Variants in CASQ2 observed in about 807,000 individuals in gnomAD.
CASQ2 encodes the protein calsequestrin 2.
Under a neutral mutation model 46.5 loss-of-function variants are expected in CASQ2, and 49 were observed. That is an observed-to-expected ratio of 1.05 (90% CI 0.84 to 1.34). CASQ2 has a LOEUF of 1.34. CASQ2 is among the 40% of genes most tolerant of loss of function. The pLI is 0.00. For missense variants in CASQ2, 486 were observed against 481.3 expected, an observed-to-expected ratio of 1.01 and a Z score of -0.09; for synonymous variants, 174 against 168.5, an observed-to-expected ratio of 1.03 and a Z score of -0.25.
Position 115,715,301 on chromosome 1 carries a change from T to C in CASQ2, c.838+2539A>G, listed in dbSNP as rs548146970. Among the ~76,000 whole-genome samples the C allele has an allele frequency of 2.6e-5, 4 of 152,178 alleles. No homozygotes were observed. In the South Asian group the frequency reaches 6.2e-4, roughly 24 times the overall value. Reference sequence around the variant, plus strand: ...AGGTGGAGACAAGGGCTAGATCATGTTGAAAAGTGAAAAAGACAAGAGAGT... The same window carrying C: ...AGGTGGAGACAAGGGCTAGATCATGCTGAAAAGTGAAAAAGACAAGAGAGT... On this transcript the variant is annotated intron_variant, in intron 8 of 10. Transcript: ENST00000261448.
Position 115,701,332 on chromosome 1 carries a change from A to G in CASQ2, c.1109T>C (p.Ile370Thr). The G allele has an allele frequency of 6.2e-7, 1 of 1,611,902 alleles. No individual in the cohort carries two copies. Among genetic ancestry groups the G allele is most frequent in the Non-Finnish European group, 8.5e-7 (1 of 1,178,042 alleles). ...ATCTTCATCATCATCTTCAGTGTTT[A>G]TCTTTCCAGAAAGCACATCCTCAAT... ...DWIEDVLSGK[I>T]NTEDDDEDDD... The change falls in exon 11 of 11, where the codon ATA becomes ACA. Residue 370 changes from isoleucine (I) to threonine (T), a missense_variant. By Grantham distance (89) the Ile-to-Thr change is moderately conservative. Coordinates refer to ENST00000261448, the MANE Select transcript of CASQ2 (RefSeq NM_001232.4).
At chr1:115,720,433 C>T (rs1400976272) in intron 7 of CASQ2, among the ~76,000 whole-genome samples, 1 of 152,094 alleles carries the variant, frequency 6.6e-6, no homozygotes, top group Non-Finnish European at 1.5e-5. Flanking sequence ...ACACCATTAC[C>T]TTGGGGGCTA....
At chr1:115,763,373 G>A (rs559401117) in intron 1 of CASQ2, among the ~76,000 whole-genome samples, 4 of 152,062 alleles carry the variant, frequency 2.6e-5, no homozygotes, top group Admixed American at 6.5e-5. Flanking sequence ...GGAGTACATC[G>A]AGAGCGACCT....
At chr1:115,729,032 ATTCTTTTTTTTTT>A (rs1019586466) in intron 5 of CASQ2, among the ~76,000 whole-genome samples, 8 of 89,166 alleles carry the variant, frequency 9.0e-5, no homozygotes, top group African/African-American at 3.2e-4. Context: ...CCTCTCTTTC[ATTCTTTTTTTTTT>A]TTTTTTTTTT....
At chr1:115,715,427 A>G (rs1319380279) in intron 8 of CASQ2, among the ~76,000 whole-genome samples, 1 of 152,218 alleles carries the variant, frequency 6.6e-6, no homozygotes, top group Non-Finnish European at 1.5e-5. Flanking sequence ...CACCTTGAAA[A>G]CATCATGCTA....
intron 3 of CASQ2, among the ~76,000 whole-genome samples, chr1:115,739,157 G>A (rs1269215151): frequency 1.5e-5 from 2 of 129,160 alleles, no homozygotes; most frequent in African/African-American, 5.3e-5. Flanking sequence ...TGTTGCCCAG[G>A]CTGGAGTGCA....
intron 1 of CASQ2, among the ~76,000 whole-genome samples, chr1:115,754,169 G>A (rs1648677190): frequency 6.6e-6 from 1 of 152,192 alleles, no homozygotes; most frequent in Admixed American, 6.5e-5. Flanking sequence ...CCTGAGCTAT[G>A]TATAGCTGGG....
intron 7 of CASQ2, 136 bp downstream of exon 7, chr1:115,725,372 A>G: frequency 2.0e-6 from 2 of 994,316 alleles, no homozygotes; most frequent in South Asian, 1.3e-5. Flanking sequence ...CAATCTGTCC[A>G]TGTTTCAAAT....
In CASQ2 at chr1:115,753,177, A is replaced by G. The variant is rs529078348; in HGVS notation, c.235-8265T>C. Among the ~76,000 whole-genome samples the G allele has an allele frequency of 2.0e-5, 3 of 152,254 alleles. No individual in the cohort carries two copies. The South Asian group carries it at 6.2e-4, about 32-fold the overall frequency. On this transcript the variant is annotated intron_variant, in intron 1 of 10. Coordinates refer to ENST00000261448, the MANE Select transcript of CASQ2 (RefSeq NM_001232.4). ...AGCCCAGACCCGGAGGTGCTGATCTAGGGCTCGGGGGAGAGGTCCTGCGTG... is the reference window on the plus strand; with the variant it reads ...AGCCCAGACCCGGAGGTGCTGATCTGGGGCTCGGGGGAGAGGTCCTGCGTG...
intron 1 of CASQ2, among the ~76,000 whole-genome samples, chr1:115,746,630 C>T (rs1170249117): frequency 1.3e-5 from 2 of 152,134 alleles, no homozygotes; most frequent in African/African-American, 4.8e-5. Context: ...TGTATGTTCT[C>T]TACTATGAAA....
intron 6 of CASQ2, among the ~76,000 whole-genome samples, chr1:115,726,457 A>G (rs1423488257): frequency 1.3e-5 from 2 of 152,194 alleles, no homozygotes; most frequent in Non-Finnish European, 2.9e-5. Flanking sequence ...AATATTTACC[A>G]TTTTGTTCTT....
chr1:115,711,276 G>T (rs1042483023), intron 8 of CASQ2, among the ~76,000 whole-genome samples: 1 of 152,202 alleles, frequency 6.6e-6, no homozygotes. Flanking sequence ...TCCTGCCCTT[G>T]CTTGTGTGGC....
At position 115,703,650 on chromosome 1, in the gene CASQ2, C is replaced by A. The variant is rs145926961; in HGVS notation, c.940-655G>T. ...CACATAGAACTGGCCAGAAGAGAGT[C>A]TGGGCATGGTGGCTCATGCTTGTAG... is the stretch of plus-strand genomic sequence containing the variant. On this transcript the variant is annotated intron_variant, in intron 9 of 10. Transcript: ENST00000261448. 1.8e-3 allele frequency among the ~76,000 whole-genome samples: 277 copies of A among 152,260 alleles called. 1 individual carries two copies. Among genetic ancestry groups the A allele is most frequent in the African/African-American group, 6.3e-3 (260 of 41,564 alleles).
chr1:115,716,688 C>G (rs150078194), intron 8 of CASQ2, among the ~76,000 whole-genome samples: 121 of 152,278 alleles, frequency 7.9e-4, no homozygotes, highest in African/African-American at 2.7e-3. Flanking sequence ...TTTATAAAAT[C>G]AACTGGAGAA....
chr1:115,727,933 C>T (rs1647651364), intron 5 of CASQ2, among the ~76,000 whole-genome samples: 1 of 152,214 alleles, frequency 6.6e-6, no homozygotes, highest in Non-Finnish European at 1.5e-5. Flanking sequence ...AGAATGGTTG[C>T]TGTTTGCCTG....
At chr1:115,742,224 T>C (rs1344150098) in intron 2 of CASQ2, among the ~76,000 whole-genome samples, 1 of 151,348 alleles carries the variant, frequency 6.6e-6, no homozygotes, top group Non-Finnish European at 1.5e-5. Flanking sequence ...TTTTTATATA[T>C]GAAAAATTAT....
At chr1:115,731,876 G>C (rs1647795697) in intron 5 of CASQ2, among the ~76,000 whole-genome samples, 1 of 152,116 alleles carries the variant, frequency 6.6e-6, no homozygotes, top group South Asian at 2.1e-4. Flanking sequence ...TCTTAGCACA[G>C]ACTCTGGCAC....
chr1:115,756,181 C>G (rs928506635), intron 1 of CASQ2, among the ~76,000 whole-genome samples: 5 of 152,140 alleles, frequency 3.3e-5, no homozygotes, highest in Non-Finnish European at 7.4e-5. Flanking sequence ...GCTTGGGGCA[C>G]CTGGGCAGCA....
chr1:115,768,624 A>T lies in CASQ2; in HGVS notation c.-83T>A. On this transcript the variant is annotated 5_prime_UTR_variant, in exon 1 of 11. Coordinates refer to ENST00000261448, the MANE Select transcript of CASQ2 (RefSeq NM_001232.4). ...AGACTGTTAGAGGCCTTGTTGAGCC[A>T]AGGAGAGAGCAGACAGGCTGATTTT... 1.1e-6 allele frequency: 1 copy of T among 888,678 alleles called. No homozygotes were observed. The highest frequency in any genetic ancestry group is 1.8e-6 in the Non-Finnish European group (1 of 548,948). 55.0% of individuals were successfully genotyped at this position (888,678 alleles called of 1,614,324 possible).
Sources: allele counts gnomAD v4.1 joint callset (sites outside exome capture counted in the v4.1 genomes callset), GRCh38; gene constraint gnomAD v4.1.1; transcripts MANE v1.5; gene names NCBI Gene and HGNC (gene_info 2026-07-23, HGNC 2026-07-21).